Variants in LNX1 observed in about 807,000 individuals in gnomAD.
The protein encoded by LNX1 is E3 ubiquitin-protein ligase LNX.
A neutral mutation model predicts 68.4 loss-of-function variants in LNX1; 54 were observed. The ratio of observed to expected loss-of-function variants is 0.79; its 90% CI spans 0.63 to 0.99. LNX1 has a LOEUF of 0.99. LNX1 is among the 50% of genes least tolerant of loss of function. The pLI, the probability that LNX1 is intolerant of heterozygous loss-of-function variation, is 0.00. For synonymous variants in LNX1, 336 were observed against 350.0 expected, an observed-to-expected ratio of 0.96 and a Z score of 0.45; for missense variants, 906 against 926.4, an observed-to-expected ratio of 0.98 and a Z score of 0.29.
chr4:53,514,273 G>T (rs1726578819), intron 2 of LNX1, among the ~76,000 whole-genome samples: 2 of 152,344 alleles, frequency 1.3e-5, no homozygotes, highest in South Asian at 4.1e-4. Context: ...CTCAGTGTAT[G>T]ACTTTTAAAT....
At chr4:53,646,023 T>C (rs1198771465) in intron 1 of LNX1, among the ~76,000 whole-genome samples, 1 of 152,192 alleles carries the variant, frequency 6.6e-6, no homozygotes, top group Non-Finnish European at 1.5e-5. Context: ...AAAATGAGAA[T>C]GATGTAATTG....
intron 1 of LNX1, among the ~76,000 whole-genome samples, chr4:53,584,132 A>G (rs967341471): frequency 7.2e-5 from 11 of 152,202 alleles, no homozygotes; most frequent in African/African-American, 2.7e-4. Context: ...AAAAGTGTTT[A>G]TGTGTGTATG....
intron 2 of LNX1, among the ~76,000 whole-genome samples, chr4:53,516,086 T>A (rs560887259): frequency 6.6e-5 from 10 of 152,126 alleles, no homozygotes; most frequent in Non-Finnish European, 5.9e-5. Flanking sequence ...CAAAAAAATT[T>A]AAAAAATTAG....
At chr4:53,592,739 G>T (rs60288851), upstream of LNX1, among the ~76,000 whole-genome samples, 210 of 152,280 alleles carry the variant, frequency 1.4e-3, no homozygotes, top group African/African-American at 4.9e-3. Flanking sequence ...TTGGGGTTTG[G>T]TTTGGGGGAG....
At chr4:53,536,831 T>G (rs1362789839) in intron 2 of LNX1, among the ~76,000 whole-genome samples, 1 of 152,242 alleles carries the variant, frequency 6.6e-6, no homozygotes, top group Admixed American at 6.5e-5. Context: ...GTTATTTAAA[T>G]AACACAAAAG....
chr4:53,499,997 A>G (rs1388293983), intron 4 of LNX1: 1 of 152,256 alleles, frequency 6.6e-6, no homozygotes, highest in Non-Finnish European at 1.5e-5. Flanking sequence ...CCACACAGAA[A>G]ACAGCTGCTC....
intron 6 of LNX1, among the ~76,000 whole-genome samples, chr4:53,486,443 C>A (rs1369441784): frequency 6.6e-6 from 1 of 152,140 alleles, no homozygotes; most frequent in Non-Finnish European, 1.5e-5. Context: ...CATATTCTCC[C>A]CTGTGGACTT....
Position 53,563,537 on chromosome 4 carries a change from C to CT in LNX1, c.380+10085dup, listed in dbSNP as rs763612909. On this transcript the variant is annotated intron_variant, in intron 2 of 10. Coordinates refer to ENST00000263925, the MANE Select transcript of LNX1 (RefSeq NM_001126328.3). ...TCTGGTTCTAGGTTAGCTTCAAATT[C>CT]TTTTTTTTTTTTTTTGAGACAGAGT... 1.0e-2 allele frequency among the ~76,000 whole-genome samples: 1,422 copies of CT among 142,526 alleles called. 15 individuals carry two copies. Among genetic ancestry groups the CT allele is most frequent in the South Asian group, 0.017 (73 of 4,420 alleles). 93.5% of individuals were successfully genotyped at this position (142,526 alleles called of 152,430 possible).
At chr4:53,551,616 A>C (rs1361108583) in intron 2 of LNX1, among the ~76,000 whole-genome samples, 4 of 152,096 alleles carry the variant, frequency 2.6e-5, no homozygotes, top group Non-Finnish European at 5.9e-5. Flanking sequence ...CGGACAGCCC[A>C]CTCCAAGGGA....
At chr4:53,471,100 G>C (rs1376638281) in intron 9 of LNX1, among the ~76,000 whole-genome samples, 4 of 121,842 alleles carry the variant, frequency 3.3e-5, no homozygotes, top group African/African-American at 9.3e-5. Context: ...ATACTACAAG[G>C]CTACAGTAAC....
intron 6 of LNX1, among the ~76,000 whole-genome samples, chr4:53,491,087 C>G (rs1440609490): frequency 6.6e-6 from 1 of 152,062 alleles, no homozygotes; most frequent in African/African-American, 2.4e-5. Flanking sequence ...AAGCAAAATG[C>G]CATATGTAGT....
intron 2 of LNX1, among the ~76,000 whole-genome samples, chr4:53,540,539 G>A (rs1323973382): frequency 1.2e-4 from 18 of 151,890 alleles, no homozygotes; most frequent in Middle Eastern, 6.9e-3. Flanking sequence ...AAAATTAGCT[G>A]GGCATGGTGG....
At chr4:53,503,902 G>A (rs1725679799) in intron 4 of LNX1, among the ~76,000 whole-genome samples, 1 of 152,240 alleles carries the variant, frequency 6.6e-6, no homozygotes, top group African/African-American at 2.4e-5. Flanking sequence ...GGGAGGCCGA[G>A]GCAGGCGGAT....
In LNX1 at chr4:53,566,130, T is replaced by C. The variant is rs1730669418; in HGVS notation, c.380+7493A>G. Among the ~76,000 whole-genome samples the C allele has an allele frequency of 3.9e-5, 6 of 151,944 alleles. No individual in the cohort carries two copies. The South Asian group carries it at 1.2e-3, about 32-fold the overall frequency. On this transcript the variant is annotated intron_variant, in intron 2 of 10. Coordinates refer to ENST00000263925, the MANE Select transcript of LNX1 (RefSeq NM_001126328.3). ...CTAGCAAGGCAGGCCAACGTTCAGA[T>C]TCAGGAAATACAGAGAACGGCACAA...
intron 6 of LNX1, among the ~76,000 whole-genome samples, chr4:53,485,557 T>C (rs1724230136): frequency 6.6e-6 from 1 of 152,244 alleles, no homozygotes; most frequent in Admixed American, 6.5e-5. Context: ...CTGGTATCAA[T>C]TTACTTGGAA....
chr4:53,476,456 C>G (rs1400551557), intron 9 of LNX1, among the ~76,000 whole-genome samples: 1 of 152,176 alleles, frequency 6.6e-6, no homozygotes, highest in Non-Finnish European at 1.5e-5. Context: ...CTCTGCCTGT[C>G]TGTGGAGCTC....
chr4:53,522,055 A>G (rs1292051384), intron 2 of LNX1, among the ~76,000 whole-genome samples: 2 of 152,082 alleles, frequency 1.3e-5, no homozygotes, highest in Admixed American at 1.3e-4. Context: ...TCGATCTCCC[A>G]ACTAGCTAGA....
At chr4:53,506,540 G>A (rs958095478) in intron 4 of LNX1, among the ~76,000 whole-genome samples, 3 of 152,050 alleles carry the variant, frequency 2.0e-5, no homozygotes, top group African/African-American at 7.2e-5. Flanking sequence ...CTGTGCCACA[G>A]TTTCCTCATC....
chr4:53,544,370 T>G (rs145914450), intron 2 of LNX1, among the ~76,000 whole-genome samples: 1,553 of 152,294 alleles, frequency 0.01, 28 homozygotes, highest in African/African-American at 0.035. Flanking sequence ...ATTTTCTGCA[T>G]TTTTAGTAAA....
Sources: allele counts gnomAD v4.1 joint callset (sites outside exome capture counted in the v4.1 genomes callset), GRCh38; gene constraint gnomAD v4.1.1; transcripts MANE v1.5; gene names NCBI Gene and HGNC (gene_info 2026-07-23, HGNC 2026-07-21).